Variants in FGD1 observed in about 807,000 individuals in gnomAD.
FGD1 encodes FYVE, RhoGEF and PH domain containing 1, also known as FYVE, RhoGEF and PH domain-containing protein 1.
FGD1 carries 12 observed loss-of-function variants against 65.0 expected under a neutral mutation model. The ratio of observed to expected loss-of-function variants is 0.18; its 90% CI spans 0.12 to 0.30. FGD1 has a LOEUF of 0.30. Ranked by LOEUF, FGD1 falls within the 10% of genes least tolerant of loss-of-function variation. The pLI is 1.00. For synonymous variants in FGD1, 333 were observed against 343.9 expected (o/e 0.97, Z 0.35); for missense variants, 542 against 837.6 (o/e 0.65, Z 4.36).
chrX:54,476,815 AC>A lies in FGD1; in HGVS notation c.308-5329del, dbSNP rs2082492738. Among the ~76,000 whole-genome samples the A allele has an allele frequency of 9.1e-5, 10 of 110,077 alleles. No individual in the cohort carries two copies. In the South Asian group the frequency reaches 3.9e-3, roughly 43 times the overall value. ...GATCACCAAAAAGCCCCCGTCACAC[AC>A]ATTTGGTCACACCACCAAATCTTTC... On this transcript the variant is annotated intron_variant, in intron 1 of 17. Transcript: ENST00000375135.
chrX:54,482,210 C>G (rs191116739), intron 1 of FGD1, among the ~76,000 whole-genome samples: 1 of 102,628 alleles, frequency 9.7e-6, no homozygotes, highest in Admixed American at 1.0e-4. Context: ...ACAAAGAAGG[C>G]CAGGCACATG....
Position 54,448,794 on chromosome X carries a change from G to A in FGD1, c.2436+12C>T, listed in dbSNP as rs1474096472. ...CCCACTGTGGGAGAGTTAGTCAGGG[G>A]CTGGCTCTTACCTCCAGGATGGACC... On this transcript the variant is annotated intron_variant, in intron 16 of 17. Transcript: ENST00000375135. The A allele has an allele frequency of 1.7e-6, 2 of 1,210,038 alleles. No homozygotes were observed. Among genetic ancestry groups the A allele is most frequent in the Non-Finnish European group, 2.2e-6 (2 of 894,618 alleles).
intron 14 of FGD1, 83 bp from the exon 15 acceptor site, chrX:54,449,351 G>C (rs1888900307): frequency 8.9e-7 from 1 of 1,125,843 alleles, no homozygotes; most frequent in African/African-American, 1.8e-5. Flanking sequence ...TCCAACGCTT[G>C]GATTATCATG....
rs768485334 is a variant in FGD1 at position 54,495,747 on chromosome X, A to C, written c.-315T>G. 9.5e-4 allele frequency: 106 copies of C among 111,070 alleles called. No homozygotes were observed. The highest frequency in any genetic ancestry group is 3.1e-3 in the African/African-American group (94 of 30,112). 9.2% of individuals were successfully genotyped at this position (111,070 alleles called of 1,213,427 possible). On this transcript the variant is annotated 5_prime_UTR_variant, in exon 1 of 18. Coordinates refer to ENST00000375135, the MANE Select transcript of FGD1 (RefSeq NM_004463.3). ...GGGGGCCCGCTGGGGAGCGCTGTCT[A>C]TGCGGCTGCGGTTGGGCGAGGGTTG...
chrX:54,465,655 C>T lies in FGD1; in HGVS notation c.1497+41G>A, dbSNP rs1258674332. ...GATGCCCCACCACATCCCTGCAGAC[C>T]TCTCCTCCCCAAGTCTGCTCCTTCC... is the stretch of plus-strand genomic sequence containing the variant. On this transcript the variant is annotated intron_variant, in intron 7 of 17. Coordinates refer to ENST00000375135, the MANE Select transcript of FGD1 (RefSeq NM_004463.3). 5.8e-6 allele frequency: 7 copies of T among 1,210,609 alleles called. No individual in the cohort carries two copies. The South Asian group carries it at 1.1e-4, about 18-fold the overall frequency.
Position 54,456,208 on chromosome X carries a change from C to T in FGD1, c.1842+12G>A. On this transcript the variant is annotated intron_variant, in intron 10 of 17. Coordinates refer to ENST00000375135, the MANE Select transcript of FGD1 (RefSeq NM_004463.3). ...GGCATGACCCACCCACAATTCCATG[C>T]CTGGCACTTACTAGTATGAGGTATC... The T allele has an allele frequency of 5.8e-6, 7 of 1,208,272 alleles. No homozygotes were observed. The highest frequency in any genetic ancestry group is 5.6e-6 in the Non-Finnish European group (5 of 894,474).
chrX:54,477,470 C>T (rs1284343412), intron 1 of FGD1, among the ~76,000 whole-genome samples: 4 of 109,318 alleles, frequency 3.7e-5, no homozygotes, highest in African/African-American at 1.3e-4. Flanking sequence ...GCTCTTGTTA[C>T]CTAGGCTGGA....
At chrX:54,452,518 C>T (rs1421401340) in intron 12 of FGD1, among the ~76,000 whole-genome samples, 2 of 110,328 alleles carry the variant, frequency 1.8e-5, no homozygotes, top group Non-Finnish European at 3.8e-5. Flanking sequence ...GAGGCCGAGC[C>T]GGGCAGATCA....
At chrX:54,447,608 G>C (rs1922256791) in intron 16 of FGD1, among the ~76,000 whole-genome samples, 154 bp from the exon 17 acceptor site, 1 of 112,676 alleles carries the variant, frequency 8.9e-6, no homozygotes, top group Non-Finnish European at 1.9e-5. Context: ...GTGCCACCCA[G>C]TGAATCAGCT....
chrX:54,450,204 ATC>A (rs1922345240), intron 13 of FGD1, 65 bp downstream of exon 13: 2 of 1,061,981 alleles, frequency 1.9e-6, no homozygotes, highest in African/African-American at 1.8e-5. Context: ...TTGAGGGAGA[ATC>A]TATCAACCCC....
At chrX:54,448,414 G>A (rs1161785336) in intron 16 of FGD1, among the ~76,000 whole-genome samples, 1 of 110,917 alleles carries the variant, frequency 9.0e-6, no homozygotes, top group African/African-American at 3.3e-5. Flanking sequence ...CTGAACTCCC[G>A]ACCTCCGGTG....
intron 8 of FGD1, among the ~76,000 whole-genome samples, chrX:54,461,141 C>G (rs760491309): frequency 9.0e-6 from 1 of 111,214 alleles, no homozygotes; most frequent in Admixed American, 9.7e-5. Flanking sequence ...GGGGATGTTA[C>G]GTTGGGGATC....
chrX:54,495,055 G>T (rs1923497364), intron 1 of FGD1, 71 bp downstream of exon 1: 1 of 1,101,471 alleles, frequency 9.1e-7, no homozygotes, highest in African/African-American at 1.8e-5. Flanking sequence ...TAGAGGGCTC[G>T]AGAACAAGAA....
At chrX:54,492,332 A>G (rs1017391737) in intron 1 of FGD1, among the ~76,000 whole-genome samples, 37 of 112,158 alleles carry the variant, frequency 3.3e-4, no homozygotes, top group Non-Finnish European at 1.9e-5. Flanking sequence ...ACTGAGCCCT[A>G]AAGATGGTGA....
rs1922161476 is a variant in FGD1 at position 54,446,173 on chromosome X, G to A, written c.2822C>T (p.Pro941Leu). ...LSEDREMEEA[P>L]VAALGATAEP... ...AGCAGTGGCTCCTAAAGCAGCCACC[G>A]GTGCCTCCTCCATCTCCCTGTCCTC... The change falls in exon 18 of 18, where the codon CCG becomes CTG. Residue 941 changes from proline (P) to leucine (L), a missense_variant. Transcript: ENST00000375135. The A allele has an allele frequency of 1.7e-6, 2 of 1,209,392 alleles. No homozygotes were observed. Among genetic ancestry groups the A allele is most frequent in the South Asian group, 1.8e-5 (1 of 56,646 alleles).
At chrX:54,480,939 A>G (rs949991555) in intron 1 of FGD1, among the ~76,000 whole-genome samples, 20 of 112,051 alleles carry the variant, frequency 1.8e-4, no homozygotes, top group African/African-American at 5.8e-4. Context: ...GGCATGAGCC[A>G]CTGTGCCCGG....
At position 54,471,442 on chromosome X, in the gene FGD1, T is replaced by C; in HGVS notation, c.353A>G (p.Asp118Gly). The C allele has an allele frequency of 8.3e-7, 1 of 1,211,194 alleles. No homozygotes were observed. The highest frequency in any genetic ancestry group is 1.8e-5 in the South Asian group (1 of 56,974). The change falls in exon 2 of 18, where the codon GAC (aspartate) becomes GGC (glycine). Residue 118 changes from aspartate to glycine, a missense_variant. Around this residue, in one of 6 missense-constraint regions of FGD1, gnomAD observed 297 missense variants for 326.8 expected, o/e 0.91. Transcript: ENST00000375135. ...ATGAGGCTCTAGGCTTTGGCCAGGG[T>C]CAAGGGACAAACTTTTAACCAGGAT... ...NRILVKSLSL[D>G]PGQSLEPHPE...
chrX:54,482,236 G>GCGCGCACACA lies in FGD1; in HGVS notation c.308-10750_308-10749insTGTGTGCGCG, dbSNP rs796491256. On this transcript the variant is annotated intron_variant, in intron 1 of 17. Transcript: ENST00000375135. ...CAGGCACATGCGCGCGCACACGCGC[G>GCGCGCACACA]CACACACACACACACACACACACAC... is the stretch of plus-strand genomic sequence containing the variant. 5.6e-3 allele frequency among the ~76,000 whole-genome samples: 552 copies of GCGCGCACACA among 99,384 alleles called. 1 individual carries two copies. Among genetic ancestry groups the GCGCGCACACA allele is most frequent in the African/African-American group, 0.013 (339 of 25,995 alleles). 86.3% of individuals were successfully genotyped at this position (99,384 alleles called of 115,157 possible). A position where few individuals can be genotyped will look rare whatever the true frequency, so the allele number is the denominator to read the frequency against.
chrX:54,469,590 A>G (rs1026998903), intron 4 of FGD1, among the ~76,000 whole-genome samples: 5 of 112,084 alleles, frequency 4.5e-5, no homozygotes, highest in Admixed American at 9.4e-5. Context: ...CCATGCCGGC[A>G]GTCCCTGGCT....
Sources: gnomAD v4.1 joint callset for allele counts (sites outside exome capture counted in the v4.1 genomes callset) on GRCh38, gnomAD v4.1.1 for gene constraint, gnomAD v4.1.1 regional missense constraint, MANE v1.5 for transcripts, NCBI Gene and HGNC (gene_info 2026-07-23, HGNC 2026-07-21) for gene names.